The following NNT variants were observed in gnomAD, a reference collection of about 807,000 sequenced individuals.
NNT encodes nicotinamide nucleotide transhydrogenase, also known as NAD(P) transhydrogenase, mitochondrial.
Under a neutral mutation model 104.8 loss-of-function variants are expected in NNT, and 50 were observed. The ratio of observed to expected loss-of-function variants is 0.48; its 90% CI spans 0.38 to 0.60. The LOEUF (loss-of-function observed/expected upper bound fraction) is 0.60. Ranked by LOEUF, NNT falls within the 20% of genes least tolerant of loss-of-function variation. The probability of loss-of-function intolerance (pLI) is 0.00; values close to 1 mark genes in which losing one functional copy is unlikely to be tolerated. For missense variants in NNT, 1,131 were observed against 1,330.7 expected, an observed-to-expected ratio of 0.85 and a Z score of 2.33; for synonymous variants, 461 against 490.4, an observed-to-expected ratio of 0.94 and a Z score of 0.79.
Position 43,628,398 on chromosome 5 carries a change from A to G in NNT, c.964+11A>G. 6.4e-7 allele frequency: 1 copy of G among 1,556,378 alleles called. No homozygotes were observed. Among genetic ancestry groups the G allele is most frequent in the Non-Finnish European group, 8.7e-7 (1 of 1,151,954 alleles). ...CAGCACTTATTCCAGGTATGCCATT[A>G]AGTAAACGGTTATTTTAAAAGCACT... On this transcript the variant is annotated intron_variant, in intron 7 of 21. Transcript: ENST00000344920.
intron 9 of NNT, 106 bp downstream of exon 9, chr5:43,644,908 G>A (rs1377886031): frequency 2.4e-6 from 2 of 839,310 alleles, no homozygotes; most frequent in South Asian, 2.2e-5. Flanking sequence ...TTTTAATAAG[G>A]TATTGGTATG....
chr5:43,702,466 C>T (rs146011785), intron 20 of NNT, among the ~76,000 whole-genome samples, 155 bp from the exon 21 acceptor site: 344 of 152,268 alleles, frequency 2.3e-3, no homozygotes, highest in African/African-American at 7.8e-3. Flanking sequence ...TGCTTAACCT[C>T]TCTGATAAAG....
At chr5:43,605,904 C>T (rs1749204467) in intron 1 of NNT, among the ~76,000 whole-genome samples, 1 of 152,130 alleles carries the variant, frequency 6.6e-6, no homozygotes, top group Non-Finnish European at 1.5e-5. Context: ...ATGCCCCTGC[C>T]AAGGATCTGC....
At chr5:43,700,054 T>G in intron 19 of NNT, 65 bp from the exon 20 acceptor site, 1 of 1,206,516 alleles carries the variant, frequency 8.3e-7, no homozygotes, top group Non-Finnish European at 1.2e-6. Context: ...TTGGAGGTGA[T>G]ATTGGGGTCT....
chr5:43,704,092 CAT>C (rs1742994029), intron 21 of NNT, among the ~76,000 whole-genome samples, 161 bp from the exon 22 acceptor site: 1 of 152,074 alleles, frequency 6.6e-6, no homozygotes, highest in South Asian at 2.1e-4. Context: ...ACAATGTAAA[CAT>C]ATGTTAAAAA....
chr5:43,624,495 G>A (rs1175073857), intron 6 of NNT, among the ~76,000 whole-genome samples: 1 of 152,202 alleles, frequency 6.6e-6, no homozygotes, highest in Non-Finnish European at 1.5e-5. Context: ...ATGCCCTACC[G>A]TGAATGAATA....
intron 19 of NNT, among the ~76,000 whole-genome samples, chr5:43,698,141 T>C (rs34420640): frequency 0.037 from 5,652 of 151,934 alleles, 215 homozygotes; most frequent in East Asian, 0.2. Flanking sequence ...TTATCTGGCT[T>C]AATATGGATG....
At chr5:43,651,072 A>G (rs1015685123) in intron 12 of NNT, among the ~76,000 whole-genome samples, 2 of 152,058 alleles carry the variant, frequency 1.3e-5, no homozygotes, top group Non-Finnish European at 2.9e-5. Flanking sequence ...TTTTTCTTTT[A>G]TAATTTATTA....
rs374789950 is a variant in NNT at position 43,687,510 on chromosome 5, A to G, written c.2876+9704A>G. On this transcript the variant is annotated intron_variant, in intron 19 of 21. Coordinates refer to ENST00000344920, the MANE Select transcript of NNT (RefSeq NM_182977.3). The stretch of plus-strand genomic sequence containing the variant: ...CATACTTTGGGGATTAGCCTGTTAC[A>G]TTGTGCCAGAATTTTTTATAAACTC... 1.1e-4 allele frequency among the ~76,000 whole-genome samples: 17 copies of G among 152,266 alleles called. No individual in the cohort carries two copies. The South Asian group carries it at 2.1e-3, about 19-fold the overall frequency.
At chr5:43,640,076 T>C (rs1163233330) in intron 7 of NNT, among the ~76,000 whole-genome samples, 2 of 152,154 alleles carry the variant, frequency 1.3e-5, no homozygotes, top group Non-Finnish European at 2.9e-5. Context: ...TTCCTGTTTC[T>C]TTTGCAATTA....
chr5:43,677,656 G>C (rs749106116), intron 18 of NNT, 69 bp from the exon 19 acceptor site: 4 of 1,357,074 alleles, frequency 2.9e-6, no homozygotes, highest in Non-Finnish European at 3.2e-6. Context: ...TTCATCAAGA[G>C]AGAAGTTGTA....
intron 10 of NNT, chr5:43,648,366 C>A: frequency 3.6e-6 from 1 of 277,100 alleles, no homozygotes; most frequent in Non-Finnish European, 5.7e-6. Flanking sequence ...TTTTACTGAC[C>A]ACTAGGTAAC....
At chr5:43,703,631 C>T (rs188799360) in intron 21 of NNT, among the ~76,000 whole-genome samples, 2 of 152,232 alleles carry the variant, frequency 1.3e-5, no homozygotes, top group Admixed American at 1.3e-4. Context: ...ACTTGATATT[C>T]AGCAGGACAG....
At chr5:43,691,214 C>A (rs185735233) in intron 19 of NNT, among the ~76,000 whole-genome samples, 47 of 152,294 alleles carry the variant, frequency 3.1e-4, no homozygotes, top group Admixed American at 7.8e-4. Flanking sequence ...ATTCTCCCAA[C>A]TCTGCCTCCC....
chr5:43,627,958 G>A (rs1750456128), intron 6 of NNT, among the ~76,000 whole-genome samples: 2 of 152,084 alleles, frequency 1.3e-5, no homozygotes, highest in South Asian at 4.1e-4. Flanking sequence ...AATCGCTTTT[G>A]CAACTTAACT....
chr5:43,681,527 G>T (rs1468047856), intron 19 of NNT, among the ~76,000 whole-genome samples: 1 of 151,962 alleles, frequency 6.6e-6, no homozygotes, highest in East Asian at 2.0e-4. Context: ...AGCCTGCCAA[G>T]TAGCTGGGAC....
intron 7 of NNT, among the ~76,000 whole-genome samples, chr5:43,632,788 G>A (rs566801733): frequency 6.6e-6 from 1 of 152,276 alleles, no homozygotes; most frequent in East Asian, 1.9e-4. Flanking sequence ...AATCTTTTCT[G>A]CTAAGCCTTT....
intron 19 of NNT, among the ~76,000 whole-genome samples, chr5:43,685,618 T>C (rs1351616324): frequency 3.3e-5 from 5 of 152,152 alleles, no homozygotes; most frequent in African/African-American, 1.2e-4. Flanking sequence ...ACTGTTGAAT[T>C]GGGATGCTTG....
At position 43,645,395 on chromosome 5, in the gene NNT, T is replaced by C; in HGVS notation, c.1329T>C (p.Asn443=). ...TTTTCCCAGCTCCCACACCGAAAAA[T>C]ATTCCTCAAGGTGCCCCAGTAAAAC... ...KVIFPAPTPK[N]IPQGAPVKQK... The change falls in exon 10 of 22, where the codon AAT becomes AAC. Residue 443 remains asparagine (N), a synonymous_variant. Transcript: ENST00000344920. 6.4e-7 allele frequency: 1 copy of C among 1,565,044 alleles called. No homozygotes were observed. The highest frequency in any genetic ancestry group is 2.4e-5 in the East Asian group (1 of 41,682).
Sources: gnomAD v4.1 joint callset for allele counts (sites outside exome capture counted in the v4.1 genomes callset) on GRCh38, gnomAD v4.1.1 for gene constraint, MANE v1.5 for transcripts, NCBI Gene and HGNC (gene_info 2026-07-23, HGNC 2026-07-21) for gene names.